The following OAT variants were observed in gnomAD, a reference collection of about 807,000 sequenced individuals.
OAT encodes the protein ornithine aminotransferase.
In OAT, 35 loss-of-function variants were observed where a neutral mutation model predicts 48.4. That is an observed-to-expected ratio of 0.72 (90% CI 0.55 to 0.96). The LOEUF (loss-of-function observed/expected upper bound fraction) is 0.96, where lower values mean the gene tolerates loss of function less well. OAT is among the 40% of genes least tolerant of loss of function. OAT has a pLI of 0.00. For synonymous variants in OAT, 182 were observed against 198.4 expected (o/e 0.92, Z 0.70); for missense variants, 438 against 537.9 (o/e 0.81, Z 1.84).
In OAT at chr10:124,401,754, C is replaced by G. The variant is rs1390915985; in HGVS notation, c.986G>C (p.Gly329Ala). 4.3e-6 allele frequency: 7 copies of G among 1,612,954 alleles called. No individual in the cohort carries two copies. The Admixed American group carries it at 1.2e-4, about 27-fold the overall frequency. The change falls in exon 8 of 10, where the codon GGC (glycine) becomes GCC (alanine). Residue 329 changes from glycine to alanine, a missense_variant. Transcript: ENST00000368845. ...AAGGGCTGCGATGGCCACTCGGCAGCCTAGTGGATTGCCACCGTATGTGGA... is the reference window on the plus strand; with the variant it reads ...AAGGGCTGCGATGGCCACTCGGCAGGCTAGTGGATTGCCACCGTATGTGGA... ...HGSTYGGNPLGCRVAIAALEV... is the reference protein window; with the variant it reads ...HGSTYGGNPLACRVAIAALEV...
rs1951274121 is a variant in OAT, at chr10:124,397,838, G to C, written c.*104C>G. On this transcript the variant is annotated 3_prime_UTR_variant, in exon 10 of 10. Transcript: ENST00000368845. ...AAATATATTCAAAAAAAAAGTTTTT[G>C]AAGACTCATGGGAGTGGAATGTGCC... is the stretch of plus-strand genomic sequence containing the variant. The C allele has an allele frequency of 3.6e-6, 5 of 1,392,864 alleles. No individual in the cohort carries two copies. Among genetic ancestry groups the C allele is most frequent in the Non-Finnish European group, 5.0e-6 (5 of 1,001,590 alleles). 86.3% of individuals were successfully genotyped at this position (1,392,864 alleles called of 1,614,324 possible).
intron 1 of OAT, among the ~76,000 whole-genome samples, chr10:124,418,435 C>T (rs1342897204): frequency 6.6e-6 from 1 of 152,230 alleles, no homozygotes; most frequent in Non-Finnish European, 1.5e-5. Context: ...TACCCGGAAC[C>T]CCGGGGCGCC....
rs200179734 is a variant in OAT at position 124,415,658 on chromosome 10, G to A, written c.-30+3215C>T. ...CCTCTTCCAAAAAGGTTTCAAAACC[G>A]GGAGAATCAAGCGGAAAATCCCGAG... is the stretch of plus-strand genomic sequence containing the variant. On this transcript the variant is annotated intron_variant, in intron 1 of 9. Transcript: ENST00000368845. Among the ~76,000 whole-genome samples, 18 of 152,288 alleles carry A rather than the reference G, an allele frequency of 1.2e-4. No individual in the cohort carries two copies. In the East Asian group the frequency reaches 2.1e-3, roughly 18 times the overall value.
In OAT at chr10:124,401,712, G is replaced by C. The variant is rs1436043423; in HGVS notation, c.1014+14C>G. The C allele has an allele frequency of 5.9e-6, 9 of 1,534,752 alleles. No individual in the cohort carries two copies. Among genetic ancestry groups the C allele is most frequent in the Non-Finnish European group, 7.2e-6 (8 of 1,108,530 alleles). ...TTTAAAGAATAGACACTGTGTGGCT[G>C]TATCAGTCTTTACCTCAAGGGCTGC... On this transcript the variant is annotated intron_variant, in intron 8 of 9. Transcript: ENST00000368845.
chr10:124,401,660 C>A, intron 8 of OAT, 66 bp downstream of exon 8: 1 of 1,096,276 alleles, frequency 9.1e-7, no homozygotes, highest in Non-Finnish European at 1.4e-6. Flanking sequence ...ACCAGTGGGC[C>A]CAAATTAAAA....
In OAT at chr10:124,413,573, C is replaced by T. The variant is rs914274691; in HGVS notation, c.-29-1373G>A. On this transcript the variant is annotated intron_variant, in intron 1 of 9. Transcript: ENST00000368845. ...TGGTGCATGCCTGTAATCCCAGCGA[C>T]TCAGGAGGCTAAGGCAGGAGAATCG... Among the ~76,000 whole-genome samples, 9 of 152,120 alleles carry T rather than the reference C, an allele frequency of 5.9e-5. No individual in the cohort carries two copies. In the South Asian group the frequency reaches 1.9e-3, roughly 32 times the overall value.
chr10:124,397,708 C>T lies in OAT; in HGVS notation c.*234G>A, dbSNP rs1951270913. On this transcript the variant is annotated 3_prime_UTR_variant, in exon 10 of 10. Coordinates refer to ENST00000368845, the MANE Select transcript of OAT (RefSeq NM_000274.4). Reference sequence around the variant, plus strand: ...TTTCACCTTAGGAAGTACACATGCACATCAAAACACTTCAACTGAATATAG... The same window carrying T: ...TTTCACCTTAGGAAGTACACATGCATATCAAAACACTTCAACTGAATATAG... 3.9e-6 allele frequency: 2 copies of T among 509,792 alleles called. No individual in the cohort carries two copies. Among genetic ancestry groups the T allele is most frequent in the Non-Finnish European group, 7.1e-6 (2 of 283,606 alleles). 31.6% of individuals were successfully genotyped at this position (509,792 alleles called of 1,614,324 possible).
At position 124,397,364 on chromosome 10, in the gene OAT, C is replaced by T. The variant is rs1202996154; in HGVS notation, c.*578G>A. 6.6e-6 allele frequency: 1 copy of T among 152,168 alleles called. No homozygotes were observed. The highest frequency in any genetic ancestry group is 1.5e-5 in the Non-Finnish European group (1 of 68,040). 9.4% of individuals were successfully genotyped at this position (152,168 alleles called of 1,614,324 possible). ...AAGTATTGAAAATAAACATTTTTTA[C>T]AAATTATAATCAAGCACTCAAAACA... On this transcript the variant is annotated 3_prime_UTR_variant, in exon 10 of 10. Coordinates refer to ENST00000368845, the MANE Select transcript of OAT (RefSeq NM_000274.4).
intron 1 of OAT, among the ~76,000 whole-genome samples, chr10:124,415,671 G>C (rs533073566): frequency 5.3e-5 from 8 of 152,322 alleles, no homozygotes; most frequent in African/African-American, 1.7e-4. Flanking sequence ...AGAATCAAGC[G>C]GAAAATCCCG....
chr10:124,402,909 G>A lies in OAT; in HGVS notation c.900+18C>T, dbSNP rs774082675. Reference sequence around the variant, plus strand: ...TTACAAGAGTAGGAAATGGAAAGAGGGGGAACATGAAACTTACAGGGTATA... The same window carrying A: ...TTACAAGAGTAGGAAATGGAAAGAGAGGGAACATGAAACTTACAGGGTATA... On this transcript the variant is annotated intron_variant, in intron 7 of 9. Transcript: ENST00000368845. The A allele has an allele frequency of 2.5e-6, 4 of 1,612,888 alleles. No individual in the cohort carries two copies. Among genetic ancestry groups the A allele is most frequent in the South Asian group, 1.1e-5 (1 of 91,030 alleles).
rs1263275234 is a variant in OAT at position 124,401,801 on chromosome 10, G to T, written c.939C>A (p.Thr313=). ...TGGACCCATGCTCCCCTGGCTTAAT[G>T]GTCAGCATGATGTCATCATCACACA... The part of the protein sequence containing the change: ...AVLCDDDIML[T]IKPGEHGSTY... The change falls in exon 8 of 10, where the codon ACC becomes ACA. Residue 313 remains threonine, a synonymous_variant. Coordinates refer to ENST00000368845, the MANE Select transcript of OAT (RefSeq NM_000274.4). 5 of 1,613,242 alleles carry T rather than the reference G, an allele frequency of 3.1e-6. No individual in the cohort carries two copies. The highest frequency in any genetic ancestry group is 3.4e-6 in the Non-Finnish European group (4 of 1,179,798).
intron 1 of OAT, among the ~76,000 whole-genome samples, chr10:124,413,807 A>G (rs1951834325): frequency 6.6e-6 from 1 of 152,182 alleles, no homozygotes; most frequent in Non-Finnish European, 1.5e-5. Context: ...ATCACTGAGC[A>G]GGCTGGTGTT....
chr10:124,407,655 T>C (rs1164750583), intron 4 of OAT, among the ~76,000 whole-genome samples: 1 of 152,222 alleles, frequency 6.6e-6, no homozygotes, highest in Non-Finnish European at 1.5e-5. Flanking sequence ...AGGCAGAATA[T>C]TTAATGATTT....
At chr10:124,399,784 G>A (rs1198347478) in intron 9 of OAT, among the ~76,000 whole-genome samples, 1 of 152,084 alleles carries the variant, frequency 6.6e-6, no homozygotes, top group Non-Finnish European at 1.5e-5. Context: ...ACCCAATTAA[G>A]TGACAGCCAG....
chr10:124,408,315 GTGTATATATATATA>G (rs1328803203), intron 4 of OAT, among the ~76,000 whole-genome samples: 2 of 65,688 alleles, frequency 3.0e-5, no homozygotes, highest in African/African-American at 1.6e-4. Context: ...GTGTGTGTGT[GTGTATATATATATA>G]TATATATATA....
At chr10:124,402,225 A>G (rs1951433988) in intron 7 of OAT, among the ~76,000 whole-genome samples, 1 of 152,150 alleles carries the variant, frequency 6.6e-6, no homozygotes, top group East Asian at 1.9e-4. Flanking sequence ...AATGACTTCA[A>G]CGAAAGAGTT....
intron 4 of OAT, chr10:124,407,267 C>T (rs1453429620): frequency 4.1e-6 from 4 of 985,360 alleles, no homozygotes; most frequent in African/African-American, 3.5e-5. Context: ...GGAACCTCAT[C>T]CTCAGTCACT....
Position 124,408,589 on chromosome 10 carries a change from T to C in OAT, c.473A>G (p.Tyr158Cys). Residue 158 changes from tyrosine (Y) to cysteine (C), a missense_variant, in exon 4 of 10, where the codon TAT becomes TGT. Tyr to Cys is a radical substitution (Grantham distance 194). Coordinates refer to ENST00000368845, the MANE Select transcript of OAT (RefSeq NM_000274.4). ...GTATTTCTGAATGCCCTTCACGGTA[T>C]AGCCCCACTTACGAGCTAGTTTACA... ...TACKLARKWGYTVKGIQKYKA... is the reference protein window; with the variant it reads ...TACKLARKWGCTVKGIQKYKA... The C allele has an allele frequency of 6.2e-7, 1 of 1,612,810 alleles. No homozygotes were observed. Among genetic ancestry groups the C allele is most frequent in the Non-Finnish European group, 8.5e-7 (1 of 1,179,816 alleles).
chr10:124,408,611 T>C lies in OAT; in HGVS notation c.451A>G (p.Lys151Glu), dbSNP rs1246319589. 2 of 1,613,232 alleles carry C rather than the reference T, an allele frequency of 1.2e-6. No homozygotes were observed. Among genetic ancestry groups the C allele is most frequent in the Non-Finnish European group, 1.7e-6 (2 of 1,179,864 alleles). ...GTATAGCCCCACTTACGAGCTAGTTTACAGGCAGTCTCTCCAGCCTCCACT... is the reference window on the plus strand; with the variant it reads ...GTATAGCCCCACTTACGAGCTAGTTCACAGGCAGTCTCTCCAGCCTCCACT... ...TGVEAGETACKLARKWGYTVK... is the reference protein window; with the variant it reads ...TGVEAGETACELARKWGYTVK... Residue 151 changes from lysine (K) to glutamate (E), a missense_variant, in exon 4 of 10, where the codon AAA (lysine) becomes GAA (glutamate). Physicochemically the swap from Lys to Glu is moderately conservative, Grantham distance 56 (BLOSUM62 1). Transcript: ENST00000368845.
Sources: allele counts gnomAD v4.1 joint callset (sites outside exome capture counted in the v4.1 genomes callset), GRCh38; gene constraint gnomAD v4.1.1; transcripts MANE v1.5; gene names NCBI Gene and HGNC (gene_info 2026-07-23, HGNC 2026-07-21).